ITPR1: variants seen among roughly 807,000 people sequenced by gnomAD.
ITPR1 encodes the protein inositol 1,4,5-trisphosphate receptor type 1, also known as inositol 1,4,5-trisphosphate-gated calcium channel ITPR1.
A neutral mutation model predicts 318.4 loss-of-function variants in ITPR1; 96 were observed. The observed-to-expected ratio is 0.30, with a 90% CI of 0.26 to 0.36. The LOEUF (loss-of-function observed/expected upper bound fraction) is 0.36. ITPR1 is among the 10% of genes least tolerant of loss of function. ITPR1 has a pLI of 1.00. For missense variants in ITPR1, 2,440 were observed against 3,460.2 expected (o/e 0.71, Z 7.40); for synonymous variants, 1,312 against 1,289.9 (o/e 1.02, Z -0.37).
At chr3:4,543,606 C>G (rs892308855) in intron 4 of ITPR1, among the ~76,000 whole-genome samples, 4 of 152,184 alleles carry the variant, frequency 2.6e-5, no homozygotes, top group African/African-American at 9.7e-5. Context: ...CCACGCCTGG[C>G]TAATTTTTGT....
chr3:4,536,207 G>C (rs1285494169), intron 4 of ITPR1, among the ~76,000 whole-genome samples: 1 of 152,058 alleles, frequency 6.6e-6, no homozygotes, highest in East Asian at 1.9e-4. Flanking sequence ...ACATTGCTCT[G>C]GGTTTTCTTG....
Position 4,747,270 on chromosome 3 carries a change from A to G in ITPR1, c.5544+11916A>G, listed in dbSNP as rs138604932. ...ATCCATCTTCCTGGGGCGCCTATGT[A>G]GTAGGTACTGTTTTGATCCCTTTCT... On this transcript the variant is annotated intron_variant, in intron 44 of 61. Coordinates refer to ENST00000649015, the MANE Select transcript of ITPR1 (RefSeq NM_001378452.1). Among the ~76,000 whole-genome samples, 407 of 152,270 alleles carry G rather than the reference A, an allele frequency of 2.7e-3. 4 individuals are homozygous for G. The highest frequency in any genetic ancestry group is 9.1e-3 in the African/African-American group (376 of 41,540).
At chr3:4,575,643 G>T (rs543295766) in intron 4 of ITPR1, among the ~76,000 whole-genome samples, 1 of 152,112 alleles carries the variant, frequency 6.6e-6, no homozygotes, top group African/African-American at 2.4e-5. Flanking sequence ...ACCCTGTGTT[G>T]GAGGAGGGTA....
chr3:4,645,012 A>T (rs1340144399), intron 8 of ITPR1, among the ~76,000 whole-genome samples: 2 of 152,210 alleles, frequency 1.3e-5, no homozygotes, highest in Admixed American at 6.5e-5. Context: ...GAGTGTATAC[A>T]CTGGACTCAT....
intron 37 of ITPR1, 58 bp downstream of exon 37, chr3:4,706,409 A>G: frequency 6.9e-7 from 1 of 1,451,978 alleles, no homozygotes; most frequent in South Asian, 1.3e-5. Context: ...ATTGCCACAC[A>G]CAGCAGTGCA....
At chr3:4,608,537 G>A (rs559941175) in intron 4 of ITPR1, among the ~76,000 whole-genome samples, 1 of 152,064 alleles carries the variant, frequency 6.6e-6, no homozygotes, top group East Asian at 1.9e-4. Context: ...GATCTCATTT[G>A]GGGCTGATTT....
chr3:4,535,442 A>ATTTTTTTTTTTTTTTTTTTTTTATTTT (rs34152018), intron 4 of ITPR1, among the ~76,000 whole-genome samples: 3 of 100,982 alleles, frequency 3.0e-5, no homozygotes, highest in Admixed American at 1.5e-4. Flanking sequence ...TTTTTTTTTA[A>ATTTTTTTTTTTTTTTTTTTTTTATTTT]TTTTTTTTTT....
At chr3:4,728,907 C>T (rs2042712332) in intron 42 of ITPR1, among the ~76,000 whole-genome samples, 1 of 152,204 alleles carries the variant, frequency 6.6e-6, no homozygotes, top group Non-Finnish European at 1.5e-5. Context: ...CAGAGAATAG[C>T]TCCAGGAAGT....
intron 17 of ITPR1, among the ~76,000 whole-genome samples, chr3:4,667,160 A>C (rs930503062): frequency 1.3e-5 from 2 of 152,238 alleles, no homozygotes; most frequent in Non-Finnish European, 2.9e-5. Context: ...ATTTTGCTTA[A>C]TTACATTTGT....
intron 4 of ITPR1, among the ~76,000 whole-genome samples, chr3:4,581,001 A>G (rs774950556): frequency 1.3e-5 from 2 of 152,192 alleles, no homozygotes; most frequent in Non-Finnish European, 1.5e-5. Flanking sequence ...TCCATAACTC[A>G]TAAGACTTAA....
At chr3:4,507,950 G>A (rs1413239273) in intron 2 of ITPR1, among the ~76,000 whole-genome samples, 1 of 152,154 alleles carries the variant, frequency 6.6e-6, no homozygotes, top group Non-Finnish European at 1.5e-5. Flanking sequence ...AGGCTTCTGG[G>A]GAGTGTTTTG....
chr3:4,570,616 T>C (rs2087870964), intron 4 of ITPR1, among the ~76,000 whole-genome samples: 1 of 152,232 alleles, frequency 6.6e-6, no homozygotes, highest in South Asian at 2.1e-4. Context: ...TATTTTACAA[T>C]AAACTTTAAA....
At chr3:4,783,289 A>G (rs1018581072) in intron 50 of ITPR1, among the ~76,000 whole-genome samples, 5 of 151,792 alleles carry the variant, frequency 3.3e-5, no homozygotes, top group African/African-American at 1.2e-4. Flanking sequence ...ACGTGCCTTG[A>G]GCTTTCGGTG....
chr3:4,725,450 C>G (rs1027705243), intron 40 of ITPR1, 96 bp from the exon 41 acceptor site: 4 of 1,011,928 alleles, frequency 4.0e-6, no homozygotes. Context: ...GATCCTTCCT[C>G]CTGTGTTTTG....
intron 4 of ITPR1, among the ~76,000 whole-genome samples, chr3:4,607,985 A>C (rs886538613): frequency 6.6e-6 from 1 of 152,098 alleles, no homozygotes; most frequent in Admixed American, 6.5e-5. Context: ...GCCTCTCATT[A>C]GCTTTACAAA....
intron 44 of ITPR1, among the ~76,000 whole-genome samples, chr3:4,748,923 C>T (rs2044302305): frequency 1.3e-5 from 2 of 152,296 alleles, no homozygotes; most frequent in South Asian, 2.1e-4. Flanking sequence ...CCTCGCTGTT[C>T]GTACTGTAGA....
chr3:4,750,760 T>C (rs2125344826), intron 44 of ITPR1: 1 of 152,332 alleles, frequency 6.6e-6, no homozygotes, highest in South Asian at 2.1e-4. Flanking sequence ...TTTTTAAATC[T>C]GTAAGCTTCC....
At chr3:4,643,836 T>C (rs2093393482) in intron 7 of ITPR1, among the ~76,000 whole-genome samples, 1 of 152,050 alleles carries the variant, frequency 6.6e-6, no homozygotes, top group African/African-American at 2.4e-5. Flanking sequence ...AACTTACTTA[T>C]ATAGGTACCT....
At chr3:4,621,056 A>G (rs1156749412) in intron 4 of ITPR1, among the ~76,000 whole-genome samples, 1 of 151,978 alleles carries the variant, frequency 6.6e-6, no homozygotes, top group Non-Finnish European at 1.5e-5. Context: ...CAGAGCCAAA[A>G]TTAAAATTCT....
Sources: allele counts gnomAD v4.1 joint callset (sites outside exome capture counted in the v4.1 genomes callset), GRCh38; gene constraint gnomAD v4.1.1; transcripts MANE v1.5; gene names NCBI Gene and HGNC (gene_info 2026-07-23, HGNC 2026-07-21).